The following MBNL1 variants were observed in gnomAD, a reference collection of about 807,000 sequenced individuals.
The protein encoded by MBNL1 is muscleblind like splicing regulator 1.
In MBNL1, 8 loss-of-function variants were observed where a neutral mutation model predicts 42.2. That is an observed-to-expected ratio of 0.19 (90% confidence interval 0.11 to 0.34). The LOEUF (loss-of-function observed/expected upper bound fraction) is 0.34, where lower values mean the gene tolerates loss of function less well. MBNL1 is among the 10% of genes least tolerant of loss of function. MBNL1 has a pLI of 1.00. For synonymous variants in MBNL1, 169 were observed against 173.9 expected (o/e 0.97, Z 0.22); for missense variants, 309 against 495.3 (o/e 0.62, Z 3.57).
intron 4 of MBNL1, among the ~76,000 whole-genome samples, chr3:152,437,103 T>C (rs1560590669): frequency 6.6e-6 from 1 of 152,182 alleles, no homozygotes; most frequent in South Asian, 2.1e-4. Flanking sequence ...CACACACTTA[T>C]TAATTGACCA....
upstream of MBNL1, chr3:152,268,755 C>A (rs1418746431): frequency 2.2e-6 from 1 of 452,408 alleles, no homozygotes; most frequent in Admixed American, 2.4e-5. Flanking sequence ...CCCGGGGAAG[C>A]GCGGGAGGGC....
intron 2 of MBNL1, chr3:152,338,094 T>A: frequency 1.0e-6 from 1 of 966,078 alleles, no homozygotes; most frequent in South Asian, 4.8e-5. Context: ...TGCTATAATA[T>A]GTATTCCTTA....
chr3:152,371,436 A>G (rs1207227605), intron 2 of MBNL1, among the ~76,000 whole-genome samples: 1 of 152,098 alleles, frequency 6.6e-6, no homozygotes, highest in East Asian at 1.9e-4. Context: ...CATCTCTACT[A>G]AAAATACAAA....
chr3:152,300,944 A>C, intron 2 of MBNL1: 3 of 983,586 alleles, frequency 3.1e-6, no homozygotes, highest in Non-Finnish European at 3.6e-6. Flanking sequence ...CTGCTACAGC[A>C]CCTTACCTGA....
At chr3:152,253,237 A>C (rs565561035) in intron 2 of MBNL1, among the ~76,000 whole-genome samples, 1 of 152,162 alleles carries the variant, frequency 6.6e-6, no homozygotes, top group South Asian at 2.1e-4. Flanking sequence ...TTCTTTGTTT[A>C]CTAAATAGTA....
intron 4 of MBNL1, among the ~76,000 whole-genome samples, chr3:152,435,956 G>T (rs1342833463): frequency 6.6e-6 from 1 of 151,978 alleles, no homozygotes; most frequent in Non-Finnish European, 1.5e-5. Context: ...GAGACTATGG[G>T]GTTTTCTAAA....
chr3:152,454,225 C>T (rs567993405), intron 6 of MBNL1, among the ~76,000 whole-genome samples: 5 of 152,136 alleles, frequency 3.3e-5, no homozygotes, highest in South Asian at 4.1e-4. Context: ...AGAGTTTAAT[C>T]GTTGATCACT....
chr3:152,350,517 T>C (rs1170461742), intron 2 of MBNL1, among the ~76,000 whole-genome samples: 1 of 152,150 alleles, frequency 6.6e-6, no homozygotes, highest in Non-Finnish European at 1.5e-5. Flanking sequence ...GTTATTCCAC[T>C]GCAGAATAGT....
At chr3:152,264,766 C>A (rs975192987), upstream of MBNL1, 2 of 152,128 alleles carry the variant, frequency 1.3e-5, no homozygotes, top group Non-Finnish European at 2.9e-5. Flanking sequence ...ACAGATTCAA[C>A]TTTTAGGTAA....
At chr3:152,397,029 C>A (rs1207776767) in intron 2 of MBNL1, among the ~76,000 whole-genome samples, 1 of 152,068 alleles carries the variant, frequency 6.6e-6, no homozygotes, top group African/African-American at 2.4e-5. Context: ...AGTAAGCTGG[C>A]TGGACAATAC....
chr3:152,301,694 C>G (rs775888587), intron 2 of MBNL1, among the ~76,000 whole-genome samples: 16 of 152,172 alleles, frequency 1.1e-4, no homozygotes, highest in Non-Finnish European at 1.9e-4. Flanking sequence ...CCCATTGAGA[C>G]TTTCTTCACC....
At chr3:152,321,211 G>GA (rs760057087) in intron 2 of MBNL1, among the ~76,000 whole-genome samples, 1 of 152,072 alleles carries the variant, frequency 6.6e-6, no homozygotes, top group Non-Finnish European at 1.5e-5. Context: ...TATCCACTTT[G>GA]AAGAGGATCA....
At chr3:152,418,859 G>A (rs2098749824) in intron 3 of MBNL1, among the ~76,000 whole-genome samples, 1 of 151,868 alleles carries the variant, frequency 6.6e-6, no homozygotes, top group Admixed American at 6.6e-5. Context: ...TGGGACTACA[G>A]GCGCCCGCCC....
intron 2 of MBNL1, among the ~76,000 whole-genome samples, chr3:152,404,982 A>G (rs1023612081): frequency 6.6e-6 from 1 of 151,924 alleles, no homozygotes; most frequent in African/African-American, 2.4e-5. Context: ...GGTTCCTCTG[A>G]GGAAAAAAAA....
chr3:152,253,484 C>T (rs1036651720), intron 2 of MBNL1, among the ~76,000 whole-genome samples: 7 of 152,038 alleles, frequency 4.6e-5, no homozygotes, highest in Non-Finnish European at 1.0e-4. Flanking sequence ...TTCTTGCATC[C>T]CTACCAATAT....
chr3:152,249,408 A>G (rs370983367), intron 2 of MBNL1, among the ~76,000 whole-genome samples: 11,842 of 122,500 alleles, frequency 0.097, 1,367 homozygotes, highest in African/African-American at 0.27. Context: ...TGGCTGCATA[A>G]ATGTCTTCTT....
At chr3:152,370,361 G>T (rs768646747) in intron 2 of MBNL1, among the ~76,000 whole-genome samples, 9 of 152,102 alleles carry the variant, frequency 5.9e-5, no homozygotes, top group Non-Finnish European at 1.2e-4. Flanking sequence ...ACCAGGGTCC[G>T]GGAGACTGTT....
At chr3:152,317,515 TC>T in intron 2 of MBNL1, among the ~76,000 whole-genome samples, 1 of 152,226 alleles carries the variant, frequency 6.6e-6, no homozygotes, top group East Asian at 1.9e-4. Flanking sequence ...AGATGAGGTT[TC>T]AGCATGTTAC....
At chr3:152,392,933 G>A (rs889631903) in intron 2 of MBNL1, among the ~76,000 whole-genome samples, 2 of 152,122 alleles carry the variant, frequency 1.3e-5, no homozygotes, top group African/African-American at 4.8e-5. Flanking sequence ...TTGTACAGAT[G>A]GCTAGTTGAA....
Sources: allele counts gnomAD v4.1 joint callset (sites outside exome capture counted in the v4.1 genomes callset), GRCh38; gene constraint gnomAD v4.1.1; transcripts MANE v1.5; gene names NCBI Gene and HGNC (gene_info 2026-07-23, HGNC 2026-07-21).